Variants in SCYL2 observed in about 807,000 individuals in gnomAD.
SCYL2 encodes the protein SCY1 like pseudokinase 2.
SCYL2 carries 36 observed loss-of-function variants against 100.4 expected under a neutral mutation model. That is an observed-to-expected ratio of 0.36 (90% CI 0.27 to 0.47). SCYL2 has a LOEUF of 0.47. Among genes scored for constraint, SCYL2 ranks in the 20% least tolerant of loss-of-function variants. SCYL2 has a pLI of 1.00. For synonymous variants in SCYL2, 330 were observed against 359.2 expected (o/e 0.92, Z 0.92); for missense variants, 902 against 1,083.9 (o/e 0.83, Z 2.36).
chr12:100,312,747 A>T (rs2096343723), intron 6 of SCYL2, 94 bp downstream of exon 6: 1 of 785,478 alleles, frequency 1.3e-6, no homozygotes, highest in East Asian at 2.7e-5. Flanking sequence ...TCTTTAAATG[A>T]CATGAGTATC....
At chr12:100,309,921 GTTA>G (rs2096340069) in intron 4 of SCYL2, among the ~76,000 whole-genome samples, 1 of 152,028 alleles carries the variant, frequency 6.6e-6, no homozygotes, top group Admixed American at 6.6e-5. Flanking sequence ...CTCACCAGCA[GTTA>G]TTATTTTTTT....
At position 100,326,747 on chromosome 12, in the gene SCYL2, A is replaced by C. The variant is rs1264309966; in HGVS notation, c.1635A>C (p.Gly545=). The C allele has an allele frequency of 6.2e-7, 1 of 1,603,878 alleles. No homozygotes were observed. The highest frequency in any genetic ancestry group is 1.1e-5 in the South Asian group (1 of 87,700). ...CCAAGGAACCTGCGGTCCTCATGGG[A>C]ATTTTAGGTAGCTGAAAATTTAATG... ...IPSKEPAVLM[G]ILGIYKCTFT... The change falls in exon 12 of 18, where the codon GGA becomes GGC. Residue 545 remains glycine, a synonymous_variant. Transcript: ENST00000360820.
At chr12:100,332,518 T>C (rs889012156) in intron 13 of SCYL2, among the ~76,000 whole-genome samples, 12 of 152,052 alleles carry the variant, frequency 7.9e-5, no homozygotes, top group African/African-American at 2.9e-4. Flanking sequence ...CTCACAAACA[T>C]GTTGAGTGAA....
Position 100,338,636 on chromosome 12 carries a change from A to G in SCYL2, c.2254A>G (p.Met752Val), listed in dbSNP as rs762337723. The G allele has an allele frequency of 1.2e-6, 2 of 1,614,064 alleles. No homozygotes were observed. The highest frequency in any genetic ancestry group is 1.1e-5 in the South Asian group (1 of 91,078). Reference sequence around the variant, plus strand: ...AAGTACTTTCACTTCTGTTCCTTCCATGGGCATTGGTATGATGTTTTCTAC... The same window carrying G: ...AAGTACTTTCACTTCTGTTCCTTCCGTGGGCATTGGTATGATGTTTTCTAC... ...ASSTFTSVPSMGIGMMFSTPT... is the reference protein window; with the variant it reads ...ASSTFTSVPSVGIGMMFSTPT... Residue 752 changes from methionine to valine, a missense_variant, in exon 18 of 18, where the codon ATG becomes GTG. Coordinates refer to ENST00000360820, the MANE Select transcript of SCYL2 (RefSeq NM_017988.6).
chr12:100,285,909 A>G (rs2096304004), intron 2 of SCYL2, among the ~76,000 whole-genome samples: 1 of 152,140 alleles, frequency 6.6e-6, no homozygotes, highest in African/African-American at 2.4e-5. Flanking sequence ...CTTTATTTAA[A>G]CTAGCCATTA....
chr12:100,278,071 A>G (rs1485799240), intron 1 of SCYL2, among the ~76,000 whole-genome samples: 1 of 152,076 alleles, frequency 6.6e-6, no homozygotes, highest in African/African-American at 2.4e-5. Flanking sequence ...AACACAATAC[A>G]TTTTTATTAT....
chr12:100,292,855 T>C (rs1233822176), intron 3 of SCYL2, among the ~76,000 whole-genome samples: 2 of 152,202 alleles, frequency 1.3e-5, no homozygotes, highest in Non-Finnish European at 2.9e-5. Context: ...TCTCACTCTG[T>C]TGCCCAAGCT....
chr12:100,318,491 C>T (rs974068625), intron 10 of SCYL2, among the ~76,000 whole-genome samples: 1 of 151,962 alleles, frequency 6.6e-6, no homozygotes, highest in Non-Finnish European at 1.5e-5. Flanking sequence ...TCACCACACC[C>T]GGCTAATTTT....
chr12:100,314,093 C>G (rs2096345588), intron 7 of SCYL2, among the ~76,000 whole-genome samples: 1 of 152,188 alleles, frequency 6.6e-6, no homozygotes, highest in Non-Finnish European at 1.5e-5. Flanking sequence ...TTTGGCTAGG[C>G]TGGTCTTGTC....
intron 16 of SCYL2, among the ~76,000 whole-genome samples, chr12:100,337,158 AATT>A (rs1027231191): frequency 1.3e-5 from 2 of 152,126 alleles, no homozygotes; most frequent in African/African-American, 4.8e-5. Context: ...GTTTTAAAAT[AATT>A]ATTATTTTCA....
At chr12:100,327,193 G>A (rs1273414076) in intron 12 of SCYL2, 5 of 408,218 alleles carry the variant, frequency 1.2e-5, no homozygotes, top group Non-Finnish European at 2.5e-5. Flanking sequence ...AGGAAACTGA[G>A]GCTCAGAGAG....
At chr12:100,281,497 C>G (rs889758715) in intron 1 of SCYL2, among the ~76,000 whole-genome samples, 2 of 152,046 alleles carry the variant, frequency 1.3e-5, no homozygotes, top group Non-Finnish European at 2.9e-5. Context: ...TTGAGACCAG[C>G]CTGGGCAGCA....
chr12:100,280,767 G>A, intron 1 of SCYL2, among the ~76,000 whole-genome samples: 1 of 151,986 alleles, frequency 6.6e-6, no homozygotes, highest in East Asian at 1.9e-4. Context: ...GGATTGCTCA[G>A]GCAGTAAGTA....
At chr12:100,294,764 C>G (rs2096316518) in intron 3 of SCYL2, among the ~76,000 whole-genome samples, 1 of 148,846 alleles carries the variant, frequency 6.7e-6, no homozygotes, top group Admixed American at 6.6e-5. Context: ...CCCCACCTCC[C>G]TCCCGGACGG....
intron 2 of SCYL2, among the ~76,000 whole-genome samples, chr12:100,285,039 T>C (rs143095073): frequency 6.2e-4 from 94 of 152,346 alleles, no homozygotes; most frequent in African/African-American, 2.0e-3. Flanking sequence ...ATTTTTAAAA[T>C]ATAAACTTAT....
At chr12:100,309,106 T>TTGTGTGTGTGTGTGTGTGTGTG (rs143410251) in intron 4 of SCYL2, among the ~76,000 whole-genome samples, 1 of 148,064 alleles carries the variant, frequency 6.8e-6, no homozygotes, top group Non-Finnish European at 1.5e-5. Context: ...GTATTTTGAT[T>TTGTGTGTGTGTGTGTGTGTGTG]TGTGTGTGTG....
intron 13 of SCYL2, among the ~76,000 whole-genome samples, chr12:100,331,707 ATCT>A (rs1395652140): frequency 1.3e-5 from 2 of 151,946 alleles, no homozygotes; most frequent in African/African-American, 4.8e-5. Flanking sequence ...TTTGATTCAT[ATCT>A]TCTTGTATTT....
chr12:100,307,892 C>A (rs1218359033), intron 4 of SCYL2, among the ~76,000 whole-genome samples: 8 of 152,196 alleles, frequency 5.3e-5, no homozygotes, highest in African/African-American at 9.7e-5. Flanking sequence ...AAAAAAAGCT[C>A]ATCATCACTG....
chr12:100,303,865 C>T (rs1427587146), intron 4 of SCYL2, among the ~76,000 whole-genome samples: 1 of 152,166 alleles, frequency 6.6e-6, no homozygotes, highest in Non-Finnish European at 1.5e-5. Context: ...CCACAGCTGC[C>T]TCTTCCCTCA....
Sources: gnomAD v4.1 joint callset for allele counts (sites outside exome capture counted in the v4.1 genomes callset) on GRCh38, gnomAD v4.1.1 for gene constraint, MANE v1.5 for transcripts, NCBI Gene and HGNC (gene_info 2026-07-23, HGNC 2026-07-21) for gene names.